The following DPH6 variants were observed in gnomAD, a reference collection of about 807,000 sequenced individuals.
The protein encoded by DPH6 is diphthamine biosynthesis 6.
DPH6 carries 33 observed loss-of-function variants against 38.2 expected under a neutral mutation model. The observed-to-expected ratio is 0.86, with a 90% CI of 0.65 to 1.15. DPH6 has a LOEUF of 1.15. DPH6 is among the 50% of genes most tolerant of loss of function. DPH6 has a pLI of 0.00. For missense variants in DPH6, 325 were observed against 320.0 expected, an observed-to-expected ratio of 1.02 and a Z score of -0.12; for synonymous variants, 108 against 103.0, an observed-to-expected ratio of 1.05 and a Z score of -0.30.
At chr15:35,517,040 C>A (rs1418035412) in intron 3 of DPH6, among the ~76,000 whole-genome samples, 2 of 151,986 alleles carry the variant, frequency 1.3e-5, no homozygotes, top group Non-Finnish European at 2.9e-5. Flanking sequence ...AATATCAACT[C>A]ATAATAAAGA....
At chr15:35,309,845 G>A (rs911753570) in intron 3 of DPH6, among the ~76,000 whole-genome samples, 1 of 152,144 alleles carries the variant, frequency 6.6e-6, no homozygotes, top group African/African-American at 2.4e-5. Flanking sequence ...ATTTCTGAAA[G>A]TTACCTTTAG....
At chr15:35,299,572 G>A (rs2052040995) in intron 3 of DPH6, 2 of 442,498 alleles carry the variant, frequency 4.5e-6, no homozygotes, top group Non-Finnish European at 8.0e-6. Flanking sequence ...GCTGGGCGGC[G>A]CGGGGTCAGG....
chr15:35,320,918 C>G (rs929560663), intron 3 of DPH6, among the ~76,000 whole-genome samples: 14 of 152,172 alleles, frequency 9.2e-5, no homozygotes, highest in African/African-American at 3.4e-4. Flanking sequence ...TCTGAAGGGT[C>G]TCCCTAAATT....
chr15:35,279,116 C>A (rs1182681052), intron 3 of DPH6, among the ~76,000 whole-genome samples: 1 of 149,566 alleles, frequency 6.7e-6, no homozygotes, highest in Non-Finnish European at 1.5e-5. Flanking sequence ...AATGACTGCC[C>A]TACTGAGTTT....
rs1160470532 is a variant in DPH6 at position 35,358,008 on chromosome 15, C to T, written n.207+15513G>A. On this transcript the variant is annotated intron_variant and non_coding_transcript_variant, in intron 3 of 3. Coordinates refer to the DPH6 transcript ENST00000558973. ...AAGCTTTTAGAATTCTCTTCTTCCT[C>T]AGGAACACGAATTATTCTTAGGTTT... is the stretch of plus-strand genomic sequence containing the variant. Among the ~76,000 whole-genome samples the T allele has an allele frequency of 3.9e-5, 6 of 152,128 alleles. No homozygotes were observed. In the East Asian group the frequency reaches 1.2e-3, roughly 29 times the overall value.
chr15:35,501,737 T>G (rs1015591158), intron 3 of DPH6, among the ~76,000 whole-genome samples: 11 of 152,128 alleles, frequency 7.2e-5, no homozygotes, highest in Non-Finnish European at 8.8e-5. Flanking sequence ...ATTATTACCT[T>G]TCTAGAGAAA....
chr15:35,390,238 T>C (rs2053034875), intron 6 of DPH6, among the ~76,000 whole-genome samples: 1 of 152,228 alleles, frequency 6.6e-6, no homozygotes, highest in South Asian at 2.1e-4. Flanking sequence ...CTTCCCTTTG[T>C]GGGTAACCCG....
chr15:35,174,603 C>T, the DPH6 span, among the ~76,000 whole-genome samples: 1 of 152,112 alleles, frequency 6.6e-6, no homozygotes, highest in Non-Finnish European at 1.5e-5. Flanking sequence ...GTTTTTCTTG[C>T]AAACCTAACA....
intron 3 of DPH6, among the ~76,000 whole-genome samples, chr15:35,471,154 G>T (rs1426257189): frequency 6.6e-6 from 1 of 152,114 alleles, no homozygotes; most frequent in Non-Finnish European, 1.5e-5. Flanking sequence ...CAATCATAAA[G>T]AGCAATACAA....
At chr15:35,407,813 TAGA>T (rs2053314354) in intron 6 of DPH6, among the ~76,000 whole-genome samples, 1 of 151,890 alleles carries the variant, frequency 6.6e-6, no homozygotes, top group African/African-American at 2.4e-5. Flanking sequence ...AGGAGAACGG[TAGA>T]AGATGAGCCT....
At chr15:35,397,768 T>C (rs907587899) in intron 6 of DPH6, among the ~76,000 whole-genome samples, 1 of 152,030 alleles carries the variant, frequency 6.6e-6, no homozygotes, top group Non-Finnish European at 1.5e-5. Flanking sequence ...TGGAGGTTTA[T>C]TCCCTACAGC....
intron 6 of DPH6, chr15:35,400,714 A>G: frequency 1.4e-6 from 1 of 700,294 alleles, no homozygotes. Flanking sequence ...AGTCTCCAAA[A>G]GGGCCTGAAC....
At chr15:35,365,428 G>T (rs943585964) in intron 3 of DPH6, among the ~76,000 whole-genome samples, 1 of 152,000 alleles carries the variant, frequency 6.6e-6, no homozygotes, top group East Asian at 1.9e-4. Context: ...TGAATAAATC[G>T]TATGAGGATT....
chr15:35,333,062 G>C (rs1163129044), intron 3 of DPH6, among the ~76,000 whole-genome samples: 1 of 150,158 alleles, frequency 6.7e-6, no homozygotes, highest in East Asian at 2.0e-4. Flanking sequence ...AAAGATTAGT[G>C]AGCAGAATAA....
chr15:35,360,966 C>A (rs2052609316), intron 3 of DPH6, among the ~76,000 whole-genome samples: 1 of 152,184 alleles, frequency 6.6e-6, no homozygotes, highest in African/African-American at 2.4e-5. Flanking sequence ...CAAAGCAGGG[C>A]TGTAGCTGAG....
the DPH6 span, among the ~76,000 whole-genome samples, chr15:35,195,753 G>C: frequency 1.6e-4 from 25 of 152,212 alleles, no homozygotes; most frequent in South Asian, 5.2e-3. Flanking sequence ...GGTTAATAAT[G>C]AGTTTCCAGG....
At chr15:35,152,439 C>A in the DPH6 span, among the ~76,000 whole-genome samples, 3 of 152,246 alleles carry the variant, frequency 2.0e-5, no homozygotes, top group African/African-American at 7.2e-5. Flanking sequence ...CCTAATTAGA[C>A]CATTACTCCA....
chr15:35,191,516 C>T, the DPH6 span, among the ~76,000 whole-genome samples: 1 of 152,262 alleles, frequency 6.6e-6, no homozygotes, highest in East Asian at 1.9e-4. Context: ...CTCAGGATGA[C>T]TAAGAGGCAG....
At chr15:35,473,469 T>C (rs1179237167) in intron 3 of DPH6, among the ~76,000 whole-genome samples, 1 of 132,350 alleles carries the variant, frequency 7.6e-6, no homozygotes, top group Admixed American at 7.4e-5. Flanking sequence ...CATTCTCCTC[T>C]TCAAAAAACT....
Sources: allele counts gnomAD v4.1 joint callset (sites outside exome capture counted in the v4.1 genomes callset), GRCh38; gene constraint gnomAD v4.1.1; transcripts MANE v1.5; gene names NCBI Gene and HGNC (gene_info 2026-07-23, HGNC 2026-07-21).